Variants in EIF4G3 observed in about 807,000 individuals in gnomAD.
The protein encoded by EIF4G3 is eukaryotic translation initiation factor 4 gamma 3.
In EIF4G3, 34 loss-of-function variants were observed where a neutral mutation model predicts 186.4. The observed-to-expected ratio is 0.18, with a 90% confidence interval of 0.14 to 0.24. EIF4G3 has a LOEUF of 0.24. EIF4G3 is among the 10% of genes least tolerant of loss of function. The probability of loss-of-function intolerance (pLI) is 1.00; values close to 1 mark genes in which losing one functional copy is unlikely to be tolerated. For missense variants in EIF4G3, 1,536 were observed against 1,948.5 expected (o/e 0.79, Z 3.99); for synonymous variants, 673 against 679.5 (o/e 0.99, Z 0.15).
intron 2 of EIF4G3, among the ~76,000 whole-genome samples, chr1:21,116,317 CTTGT>C (rs1209550712): frequency 2.6e-5 from 4 of 152,068 alleles, no homozygotes; most frequent in Admixed American, 1.3e-4. Flanking sequence ...AGTATATCAG[CTTGT>C]TTAATATTGA....
chr1:21,110,763 C>T (rs2096711996), intron 2 of EIF4G3, among the ~76,000 whole-genome samples: 1 of 152,078 alleles, frequency 6.6e-6, no homozygotes, highest in Non-Finnish European at 1.5e-5. Flanking sequence ...GACAGGGTTT[C>T]ACCATGTTGG....
chr1:20,968,598 T>G (rs2075213579), intron 12 of EIF4G3, among the ~76,000 whole-genome samples: 1 of 152,206 alleles, frequency 6.6e-6, no homozygotes. Context: ...CTTAGGAGAT[T>G]ATGATAACCA....
intron 5 of EIF4G3, 50 bp downstream of exon 5, chr1:21,002,663 C>T: frequency 6.3e-7 from 1 of 1,593,004 alleles, no homozygotes; most frequent in Non-Finnish European, 8.5e-7. Context: ...CCACTACACA[C>T]ACAAACACAG....
chr1:20,814,739 A>C (rs1163211069), intron 34 of EIF4G3, among the ~76,000 whole-genome samples: 1 of 109,826 alleles, frequency 9.1e-6, no homozygotes, highest in Non-Finnish European at 2.0e-5. Flanking sequence ...AATTAAGGTT[A>C]AAAATTCATC....
At chr1:20,976,060 TAA>T (rs2076790938) in intron 10 of EIF4G3, among the ~76,000 whole-genome samples, 1 of 151,670 alleles carries the variant, frequency 6.6e-6, no homozygotes, top group African/African-American at 2.4e-5. Context: ...TCAGTCTATA[TAA>T]AAAGTGTCAA....
At chr1:21,002,092 A>C (rs1395649942) in intron 5 of EIF4G3, among the ~76,000 whole-genome samples, 1 of 152,224 alleles carries the variant, frequency 6.6e-6, no homozygotes, top group African/African-American at 2.4e-5. Context: ...TTTGTGAAAC[A>C]AAGGATGAAC....
intron 4 of EIF4G3, among the ~76,000 whole-genome samples, chr1:21,037,274 T>C (rs2093282653): frequency 6.7e-6 from 1 of 148,568 alleles, no homozygotes; most frequent in African/African-American, 2.5e-5. Flanking sequence ...AAATAAAGCA[T>C]CCACACTGCA....
chr1:21,117,736 T>TAAAAAAAAAAA lies in EIF4G3; in HGVS notation c.-271-28534_-271-28524dup, dbSNP rs71014156. 7.3e-3 allele frequency among the ~76,000 whole-genome samples: 535 copies of TAAAAAAAAAAA among 73,064 alleles called. 15 individuals are homozygous for TAAAAAAAAAAA. The highest frequency in any genetic ancestry group is 0.011 in the Non-Finnish European group (421 of 38,376). The allele number at this position is 73,064 out of a possible 152,430, so 47.9% of individuals were successfully genotyped here. A position where few individuals can be genotyped will look rare whatever the true frequency, so the allele number is the denominator to read the frequency against. On this transcript the variant is annotated intron_variant, in intron 2 of 36. Transcript: ENST00000602326. ...GGCCTTTCACTGTCCCAGTATATAG[T>TAAAAAAAAAAA]AAAAAAAAAAAAAAAAAAAAAAAAA...
At chr1:21,137,007 A>G (rs2097257964) in intron 2 of EIF4G3, among the ~76,000 whole-genome samples, 1 of 150,584 alleles carries the variant, frequency 6.6e-6, no homozygotes, top group Non-Finnish European at 1.5e-5. Context: ...TCTTAATAAT[A>G]TTTTTATATA....
chr1:21,017,403 TG>T (rs1185650073), intron 4 of EIF4G3, among the ~76,000 whole-genome samples: 1 of 151,808 alleles, frequency 6.6e-6, no homozygotes, highest in Admixed American at 6.6e-5. Context: ...CCGAGGTGGG[TG>T]GATCACGAGG....
intron 10 of EIF4G3, among the ~76,000 whole-genome samples, chr1:20,973,971 T>TG (rs2076359518): frequency 6.6e-6 from 1 of 152,166 alleles, no homozygotes; most frequent in Admixed American, 6.5e-5. Context: ...GCTGATGAAT[T>TG]GGATACTGGT....
chr1:21,034,899 G>A (rs1241692465), intron 4 of EIF4G3, among the ~76,000 whole-genome samples: 2 of 152,134 alleles, frequency 1.3e-5, no homozygotes, highest in Non-Finnish European at 2.9e-5. Context: ...TCCCAGAGGC[G>A]CCACCCTGGC....
chr1:21,175,602 A>C (rs2098085692), intron 2 of EIF4G3: 1 of 152,152 alleles, frequency 6.6e-6, no homozygotes, highest in African/African-American at 2.4e-5. Flanking sequence ...CCCATTACTA[A>C]AAAAAATTAT....
intron 19 of EIF4G3, among the ~76,000 whole-genome samples, chr1:20,882,814 G>A (rs1216042282): frequency 6.6e-6 from 1 of 151,676 alleles, no homozygotes; most frequent in Non-Finnish European, 1.5e-5. Flanking sequence ...AAAAGCCTGG[G>A]CATGGTAGTT....
chr1:21,050,382 A>T (rs574849029), intron 4 of EIF4G3, among the ~76,000 whole-genome samples: 1 of 152,262 alleles, frequency 6.6e-6, no homozygotes, highest in Non-Finnish European at 1.5e-5. Flanking sequence ...TAACAGTTCA[A>T]CAAAAACTTA....
chr1:21,010,434 A>AG (rs2154569798), intron 4 of EIF4G3, among the ~76,000 whole-genome samples: 1 of 150,112 alleles, frequency 6.7e-6, no homozygotes, highest in East Asian at 1.9e-4. Context: ...AAAAAAAAAA[A>AG]AAAGAAAAAG....
At chr1:21,039,839 A>G (rs1571502128) in intron 4 of EIF4G3, among the ~76,000 whole-genome samples, 2 of 152,240 alleles carry the variant, frequency 1.3e-5, no homozygotes, top group East Asian at 3.8e-4. Flanking sequence ...CAATTAAAAA[A>G]TGGGCAAAGG....
intron 4 of EIF4G3, 123 bp from the exon 5 acceptor site, chr1:21,002,931 A>T: frequency 1.9e-6 from 1 of 526,402 alleles, no homozygotes; most frequent in Non-Finnish European, 3.3e-6. Context: ...TCTACTTTTT[A>T]AAAATTTAAC....
intron 33 of EIF4G3, among the ~76,000 whole-genome samples, chr1:20,821,949 C>T (rs974770781): frequency 6.6e-6 from 1 of 152,118 alleles, no homozygotes; most frequent in Admixed American, 6.6e-5. Context: ...GTGATCTTGG[C>T]TCATTGCAAC....
Sources: allele counts gnomAD v4.1 joint callset (sites outside exome capture counted in the v4.1 genomes callset), GRCh38; gene constraint gnomAD v4.1.1; transcripts MANE v1.5; gene names NCBI Gene and HGNC (gene_info 2026-07-23, HGNC 2026-07-21).